The following CDH4 variants were observed in gnomAD, a reference collection of about 807,000 sequenced individuals.
CDH4 encodes the protein cadherin 4, also known as cadherin-4.
CDH4 carries 33 observed loss-of-function variants against 86.0 expected under a neutral mutation model. The observed-to-expected ratio is 0.38, with a 90% CI of 0.29 to 0.51. CDH4 has a LOEUF of 0.51. CDH4 is among the 20% of genes least tolerant of loss of function. The pLI, the probability that CDH4 is intolerant of heterozygous loss-of-function variation, is 0.86. For missense variants in CDH4, 1,114 were observed against 1,307.4 expected, an observed-to-expected ratio of 0.85 and a Z score of 2.28; for synonymous variants, 555 against 549.4, an observed-to-expected ratio of 1.01 and a Z score of -0.14.
chr20:61,933,263 C>A, intron 14 of CDH4, 139 bp downstream of exon 14: 3 of 1,100,564 alleles, frequency 2.7e-6, no homozygotes, highest in African/African-American at 1.6e-5. Flanking sequence ...CAGGGGCGCA[C>A]GGTTTCCTAG....
chr20:61,652,939 T>TTTTTTTTTTTTTTTTA (rs1600842040), intron 2 of CDH4, among the ~76,000 whole-genome samples: 2 of 103,706 alleles, frequency 1.9e-5, no homozygotes, highest in Non-Finnish European at 4.6e-5. Context: ...TATTTATTTA[T>TTTTTTTTTTTTTTTTA]TTTTTTTTTT....
intron 8 of CDH4, among the ~76,000 whole-genome samples, chr20:61,903,967 C>A (rs2054758269): frequency 6.6e-6 from 1 of 152,108 alleles, no homozygotes; most frequent in Non-Finnish European, 1.5e-5. Flanking sequence ...TCTGCTGCTG[C>A]CCGCTGCCAG....
chr20:61,718,258 G>A (rs36123063), intron 2 of CDH4: 26,289 of 161,424 alleles, frequency 0.16, 2,410 homozygotes, highest in Non-Finnish European at 0.21. Context: ...CTCTGCCTCC[G>A]GGGGAAGCCC....
At chr20:61,865,876 G>A (rs144623000) in intron 6 of CDH4, among the ~76,000 whole-genome samples, 1 of 152,004 alleles carries the variant, frequency 6.6e-6, no homozygotes, top group East Asian at 1.9e-4. Context: ...GATGATAGCT[G>A]GCTTCCTGGC....
At chr20:61,622,829 C>T (rs992263483) in intron 2 of CDH4, among the ~76,000 whole-genome samples, 1 of 152,174 alleles carries the variant, frequency 6.6e-6, no homozygotes, top group African/African-American at 2.4e-5. Context: ...TTGCCCCATC[C>T]CCTGGGGACA....
At chr20:61,934,543 A>G (rs1288809033) in intron 15 of CDH4, among the ~76,000 whole-genome samples, 1 of 152,220 alleles carries the variant, frequency 6.6e-6, no homozygotes, top group African/African-American at 2.4e-5. Flanking sequence ...CACAGGCCTC[A>G]GGAGGAGAAT....
At chr20:61,774,885 A>G (rs7270455) in intron 4 of CDH4, among the ~76,000 whole-genome samples, 79,456 of 151,944 alleles carry the variant, frequency 0.52, 20,960 homozygotes, top group East Asian at 0.71. Flanking sequence ...ATAGTATTCC[A>G]TGGTGTATTT....
chr20:61,675,880 C>T (rs1213125008), intron 2 of CDH4, among the ~76,000 whole-genome samples: 1 of 152,224 alleles, frequency 6.6e-6, no homozygotes, highest in African/African-American at 2.4e-5. Context: ...AGTTTGAGGC[C>T]AGGGTGCCCC....
chr20:61,520,592 G>C (rs937687033), intron 2 of CDH4, among the ~76,000 whole-genome samples: 7 of 152,234 alleles, frequency 4.6e-5, no homozygotes, highest in African/African-American at 1.7e-4. Flanking sequence ...ACCAGGCCCT[G>C]CCTATGGATC....
chr20:61,404,034 C>T (rs2085065182), intron 2 of CDH4, among the ~76,000 whole-genome samples: 1 of 152,000 alleles, frequency 6.6e-6, no homozygotes, highest in Admixed American at 6.6e-5. Flanking sequence ...ATGAAAGGAC[C>T]ATGTCTTTTC....
chr20:61,514,978 G>T (rs1382467616), intron 2 of CDH4, among the ~76,000 whole-genome samples: 1 of 152,168 alleles, frequency 6.6e-6, no homozygotes, highest in Non-Finnish European at 1.5e-5. Context: ...GGCGGGGGCG[G>T]GTGGCACGGC....
At chr20:61,635,275 C>T (rs1268796581) in intron 2 of CDH4, among the ~76,000 whole-genome samples, 1 of 152,250 alleles carries the variant, frequency 6.6e-6, no homozygotes, top group Non-Finnish European at 1.5e-5. Context: ...AAGGCGTCCC[C>T]TTTCTCCCAA....
At chr20:61,824,556 C>G (rs1049187470) in intron 4 of CDH4, among the ~76,000 whole-genome samples, 2 of 152,128 alleles carry the variant, frequency 1.3e-5, no homozygotes, top group African/African-American at 4.8e-5. Flanking sequence ...TTAGAAGATT[C>G]TGTGTACGCA....
At chr20:61,729,010 G>A (rs2088146528) in intron 2 of CDH4, among the ~76,000 whole-genome samples, 1 of 152,174 alleles carries the variant, frequency 6.6e-6, no homozygotes, top group Non-Finnish European at 1.5e-5. Flanking sequence ...GTGCCCCGAT[G>A]TCCTGGCCAA....
At chr20:61,530,642 T>C (rs965408004) in intron 2 of CDH4, among the ~76,000 whole-genome samples, 2 of 151,944 alleles carry the variant, frequency 1.3e-5, no homozygotes, top group African/African-American at 2.4e-5. Context: ...AGAGAGGCAA[T>C]CAGAATGCTT....
intron 2 of CDH4, among the ~76,000 whole-genome samples, chr20:61,432,415 C>G (rs976973980): frequency 1.3e-5 from 2 of 152,146 alleles, no homozygotes; most frequent in African/African-American, 4.8e-5. Flanking sequence ...TTCACGTTCT[C>G]CTTGATCATC....
chr20:61,564,630 T>G (rs754980076), intron 2 of CDH4, among the ~76,000 whole-genome samples: 1 of 152,196 alleles, frequency 6.6e-6, no homozygotes, highest in Non-Finnish European at 1.5e-5. Context: ...CTGTACAGCC[T>G]GCAGAACCAC....
chr20:61,303,792 G>A (rs1254342296), intron 2 of CDH4, among the ~76,000 whole-genome samples: 1 of 152,230 alleles, frequency 6.6e-6, no homozygotes, highest in Non-Finnish European at 1.5e-5. Context: ...GGACACGGAG[G>A]CACCAGTGGG....
Position 61,392,391 on chromosome 20 carries a change from C to T in CDH4, c.169+137454C>T, listed in dbSNP as rs755628625. On this transcript the variant is annotated intron_variant, in intron 2 of 15. Coordinates refer to ENST00000614565, the MANE Select transcript of CDH4 (RefSeq NM_001794.5). This position sits in a 1 kb window ranked among gnomAD's most constrained non-coding sequence, Gnocchi z 5.7. ...CAGTATGCATGATCACAGGGCGCCA[C>T]CGGGATGGAACGCACGGCGCCCCGA... Among the ~76,000 whole-genome samples the T allele has an allele frequency of 2.6e-5, 4 of 152,176 alleles. No individual in the cohort carries two copies. The highest frequency in any genetic ancestry group is 5.9e-5 in the Non-Finnish European group (4 of 68,034).
Sources: gnomAD v4.1 joint callset for allele counts (sites outside exome capture counted in the v4.1 genomes callset) on GRCh38, gnomAD v4.1.1 for gene constraint, Gnocchi (gnomAD v3.1) non-coding constraint, MANE v1.5 for transcripts, NCBI Gene and HGNC (gene_info 2026-07-23, HGNC 2026-07-21) for gene names.